C2orf42: variants seen among roughly 807,000 people sequenced by gnomAD.
C2orf42 encodes the protein uncharacterized protein C2orf42.
C2orf42 carries 44 observed loss-of-function variants against 58.9 expected under a neutral mutation model. The ratio of observed to expected loss-of-function variants is 0.75; its 90% CI spans 0.59 to 0.96. C2orf42 has a LOEUF of 0.96. Among genes scored for constraint, C2orf42 ranks in the 40% least tolerant of loss-of-function variants. The pLI, the probability that C2orf42 is intolerant of heterozygous loss-of-function variation, is 0.00. For synonymous variants in C2orf42, 239 were observed against 265.4 expected, an observed-to-expected ratio of 0.90 and a Z score of 0.97; for missense variants, 630 against 699.2, an observed-to-expected ratio of 0.90 and a Z score of 1.12.
intron 4 of C2orf42, among the ~76,000 whole-genome samples, chr2:70,179,037 A>C (rs1261877048): frequency 6.6e-6 from 1 of 152,152 alleles, no homozygotes; most frequent in Non-Finnish European, 1.5e-5. Context: ...GGGGAATATA[A>C]CCATTGTCAC....
At chr2:70,162,377 C>T (rs561097623) in intron 8 of C2orf42, among the ~76,000 whole-genome samples, 1 of 151,638 alleles carries the variant, frequency 6.6e-6, no homozygotes, top group East Asian at 2.0e-4. Flanking sequence ...GCCTGGCGCA[C>T]TGGCTCACGC....
At chr2:70,189,094 T>A (rs148962193) in intron 1 of C2orf42, among the ~76,000 whole-genome samples, 1 of 151,826 alleles carries the variant, frequency 6.6e-6, no homozygotes, top group Non-Finnish European at 1.5e-5. Flanking sequence ...GAAAATAAAA[T>A]ATTTTTACAG....
At chr2:70,183,593 C>T (rs369741462) in intron 1 of C2orf42, among the ~76,000 whole-genome samples, 15 of 151,696 alleles carry the variant, frequency 9.9e-5, no homozygotes, top group East Asian at 9.8e-4. Flanking sequence ...CCATGCCCGG[C>T]TAATTTTTTG....
chr2:70,169,990 C>T (rs895938971), intron 5 of C2orf42, among the ~76,000 whole-genome samples: 1 of 151,972 alleles, frequency 6.6e-6, no homozygotes, highest in Non-Finnish European at 1.5e-5. Flanking sequence ...AACTCCTGAC[C>T]TCAGGTGATC....
rs1376322691 is a variant in C2orf42, at chr2:70,185,786, T to TAC, written c.-281-2853_-281-2852dup. 4.4e-3 allele frequency among the ~76,000 whole-genome samples: 652 copies of TAC among 147,946 alleles called. 3 individuals carry two copies. The highest frequency in any genetic ancestry group is 0.016 in the African/African-American group (607 of 38,254). Reference sequence around the variant, plus strand: ...ACATATATACACACATATATATATATACACACACACATATATATATATATT... The same window carrying TAC: ...ACATATATACACACATATATATATATACACACACACACATATATATATATATT... On this transcript the variant is annotated intron_variant, in intron 1 of 9. Coordinates refer to ENST00000264434, the MANE Select transcript of C2orf42 (RefSeq NM_017880.3).
chr2:70,169,542 A>G lies in C2orf42; in HGVS notation c.1144+15T>C, dbSNP rs775029269. ...CTACTTTCAGCAAGAGCCCAGTTAG[A>G]TGAACAATACTTACCATCAAACTGA... On this transcript the variant is annotated intron_variant, in intron 6 of 9. Coordinates refer to ENST00000264434, the MANE Select transcript of C2orf42 (RefSeq NM_017880.3). The G allele has an allele frequency of 3.0e-6, 4 of 1,322,264 alleles. No homozygotes were observed. In the East Asian group the frequency reaches 6.9e-5, roughly 23 times the overall value. The allele number at this position is 1,322,264 out of a possible 1,614,324, so 81.9% of individuals were successfully genotyped here.
chr2:70,160,296 T>C (rs1194124696), intron 9 of C2orf42, among the ~76,000 whole-genome samples: 1 of 152,036 alleles, frequency 6.6e-6, no homozygotes, highest in Non-Finnish European at 1.5e-5. Flanking sequence ...TGCGCCACTA[T>C]GCCTGGCTAA....
Position 70,181,360 on chromosome 2 carries a change from A to G in C2orf42, c.626T>C (p.Val209Ala). ...CAAGCTTTTGCCACTGACTTTCTGC[A>G]CAAAAGATGTATGCAAATACCCCAA... Reference protein sequence around the residue: ...HSLGYLHTSFVQKVSGKSLPE... With the variant: ...HSLGYLHTSFAQKVSGKSLPE... The change falls in exon 3 of 10, where the codon GTG becomes GCG. Residue 209 changes from valine (V) to alanine (A), a missense_variant. By Grantham distance (64) the Val-to-Ala change is moderately conservative (BLOSUM62 0). Transcript: ENST00000264434. 1.2e-6 allele frequency: 2 copies of G among 1,614,148 alleles called. No individual in the cohort carries two copies. Among genetic ancestry groups the G allele is most frequent in the Non-Finnish European group, 1.7e-6 (2 of 1,179,992 alleles).
intron 1 of C2orf42, chr2:70,190,682 G>A (rs1444991305): frequency 6.6e-6 from 1 of 152,182 alleles, no homozygotes; most frequent in African/African-American, 2.4e-5. Context: ...CCGACTCCGG[G>A]ACGCTCACCT....
chr2:70,156,893 T>A (rs1344954367), intron 9 of C2orf42, among the ~76,000 whole-genome samples: 2 of 151,424 alleles, frequency 1.3e-5, no homozygotes, highest in Non-Finnish European at 1.5e-5. Context: ...TTTAAAAAAT[T>A]AAAAGAATAA....
chr2:70,189,087 A>G (rs1573051916), intron 1 of C2orf42, among the ~76,000 whole-genome samples: 2 of 152,204 alleles, frequency 1.3e-5, no homozygotes, highest in African/African-American at 4.8e-5. Context: ...CTTCCCAGAA[A>G]ATAAAATATT....
Position 70,181,515 on chromosome 2 carries a change from A to G in C2orf42, c.471T>C (p.Asn157=). The G allele has an allele frequency of 6.2e-7, 1 of 1,613,498 alleles. No individual in the cohort carries two copies. The highest frequency in any genetic ancestry group is 1.1e-5 in the South Asian group (1 of 91,078). The part of the protein sequence containing the change: ...TPLTLKSSVL[N]AMQASPETKQ... ...TGGTTTCCGGGGAGGCCTGCATTGC[A>G]TTCAGGACCGAGCTCTTCAGGGTCA... Residue 157 remains asparagine, a synonymous_variant, in exon 3 of 10, where the codon AAT becomes AAC. Transcript: ENST00000264434.
intron 3 of C2orf42, 65 bp downstream of exon 3, chr2:70,181,098 T>C: frequency 1.3e-6 from 1 of 797,740 alleles, no homozygotes; most frequent in Non-Finnish European, 2.0e-6. Context: ...TCCAAATGCA[T>C]CAGTGGAACT....
Position 70,181,440 on chromosome 2 carries a change from C to A in C2orf42, c.546G>T (p.Gln182His). 6.2e-7 allele frequency: 1 copy of A among 1,614,134 alleles called. No homozygotes were observed. The highest frequency in any genetic ancestry group is 1.3e-5 in the African/African-American group (1 of 75,042). Residue 182 changes from glutamine to histidine, a missense_variant, in exon 3 of 10, where the codon CAG becomes CAT. Physicochemically the swap from Gln to His is conservative, Grantham distance 24. Coordinates refer to ENST00000264434, the MANE Select transcript of C2orf42 (RefSeq NM_017880.3). The part of the protein sequence containing the change: ...LATEPTGPLV[Q>H]RITKNILVVK... Reference sequence around the variant, plus strand: ...CCACCAAGATGTTTTTAGTAATTCTCTGCACCAGAGGACCTGTGGGTTCCG... The same window carrying A: ...CCACCAAGATGTTTTTAGTAATTCTATGCACCAGAGGACCTGTGGGTTCCG...
chr2:70,188,681 T>C (rs1156738623), intron 1 of C2orf42, among the ~76,000 whole-genome samples: 1 of 152,184 alleles, frequency 6.6e-6, no homozygotes, highest in Admixed American at 6.6e-5. Context: ...CTCTAGACTT[T>C]GCCCCTTTTT....
intron 1 of C2orf42, among the ~76,000 whole-genome samples, chr2:70,186,434 A>G (rs887518419): frequency 8.5e-5 from 13 of 152,314 alleles, no homozygotes; most frequent in African/African-American, 2.9e-4. Context: ...CCTTTCTGTC[A>G]TATCATTAAA....
Position 70,150,293 on chromosome 2 carries a change from T to TAA in C2orf42, c.*61_*62dup. On this transcript the variant is annotated 3_prime_UTR_variant, in exon 10 of 10. Transcript: ENST00000264434. Reference sequence around the variant, plus strand: ...GCCATCTAAGTGCCTAACTAGCATTTAAAGTTGTCAAGGGGTGGGGATGTG... The same window carrying TAA: ...GCCATCTAAGTGCCTAACTAGCATTTAAAAAGTTGTCAAGGGGTGGGGATGTG... 3 of 1,431,712 alleles carry TAA rather than the reference T, an allele frequency of 2.1e-6. No individual in the cohort carries two copies. The highest frequency in any genetic ancestry group is 2.9e-6 in the Non-Finnish European group (3 of 1,023,440). 88.7% of individuals were successfully genotyped at this position (1,431,712 alleles called of 1,614,324 possible). A position where few individuals can be genotyped will look rare whatever the true frequency, so the allele number is the denominator to read the frequency against.
intron 1 of C2orf42, among the ~76,000 whole-genome samples, chr2:70,188,931 AGACT>A (rs962956748): frequency 3.5e-4 from 53 of 152,322 alleles, no homozygotes; most frequent in African/African-American, 1.3e-3. Context: ...TTTATTTTAC[AGACT>A]GACTCCCACA....
chr2:70,156,266 T>C (rs72900663), intron 9 of C2orf42, among the ~76,000 whole-genome samples: 11 of 152,010 alleles, frequency 7.2e-5, no homozygotes, highest in African/African-American at 2.7e-4. Context: ...TTATAATAAA[T>C]ATAAAGAGGA....
Sources: gnomAD v4.1 joint callset for allele counts (sites outside exome capture counted in the v4.1 genomes callset) on GRCh38, gnomAD v4.1.1 for gene constraint, MANE v1.5 for transcripts, NCBI Gene and HGNC (gene_info 2026-07-23, HGNC 2026-07-21) for gene names.